Variants in DGAT1 observed in about 807,000 individuals in gnomAD.
The protein encoded by DGAT1 is ACAT related gene product 1.
A neutral mutation model predicts 72.6 loss-of-function variants in DGAT1; 60 were observed. The ratio of observed to expected loss-of-function variants is 0.83; its 90% CI spans 0.67 to 1.02. DGAT1 has a LOEUF of 1.02. Ranked by LOEUF, DGAT1 falls within the 50% of genes least tolerant of loss-of-function variation. The pLI, the probability that DGAT1 is intolerant of heterozygous loss-of-function variation, is 0.00. For missense variants in DGAT1, 592 were observed against 670.0 expected, an observed-to-expected ratio of 0.88 and a Z score of 1.29; for synonymous variants, 290 against 267.5, an observed-to-expected ratio of 1.08 and a Z score of -0.82.
At position 144,318,194 on chromosome 8, in the gene DGAT1, G is replaced by A. The variant is rs782339768; in HGVS notation, c.677-25C>T. The A allele has an allele frequency of 3.1e-6, 5 of 1,609,350 alleles. No homozygotes were observed. The South Asian group carries it at 3.3e-5, about 11-fold the overall frequency. On this transcript the variant is annotated intron_variant, in intron 7 of 16. Transcript: ENST00000528718. The stretch of plus-strand genomic sequence containing the variant: ...GCTACGAGCACAGCAGAGTGGGAGG[G>A]GGCTGGTGGGGCCCTGCTGCTGCCC...
In DGAT1 at chr8:144,318,840, A is replaced by G. The variant is rs1275283451; in HGVS notation, c.410T>C (p.Val137Ala). 1 of 1,611,734 alleles carries G rather than the reference A, an allele frequency of 6.2e-7. No individual in the cohort carries two copies. Among genetic ancestry groups the G allele is most frequent in the Non-Finnish European group, 8.5e-7 (1 of 1,179,058 alleles). ...DPYSWPAPCL[V>A]IAANVFAVAA... ...CTCCTCAGAGCCCAGCTCACCAATA[A>G]CCAGGCATGGGGCGGGCCAGCTATA... Residue 137 changes from valine to alanine, a missense_variant, in exon 4 of 17, where the codon GTT becomes GCT. Physicochemically the swap from Val to Ala is moderately conservative, Grantham distance 64. Coordinates refer to ENST00000528718, the MANE Select transcript of DGAT1 (RefSeq NM_012079.6).
At chr8:144,319,349 G>A (rs1236584983) in intron 2 of DGAT1, among the ~76,000 whole-genome samples, 1 of 152,202 alleles carries the variant, frequency 6.6e-6, no homozygotes, top group African/African-American at 2.4e-5. Flanking sequence ...AACCCTGCCA[G>A]ACGCCTGGGT....
chr8:144,321,769 C>G (rs1165826807), intron 1 of DGAT1, among the ~76,000 whole-genome samples: 1 of 152,264 alleles, frequency 6.6e-6, no homozygotes, highest in Non-Finnish European at 1.5e-5. Flanking sequence ...ACTGGGGCCA[C>G]AAGCAGGGTC....
chr8:144,319,290 A>G (rs564043389), intron 2 of DGAT1, among the ~76,000 whole-genome samples: 1 of 152,310 alleles, frequency 6.6e-6, no homozygotes, highest in Admixed American at 6.5e-5. Flanking sequence ...CCCTGTCCCC[A>G]TCACACCAGA....
chr8:144,318,973 GGGGCCTGGACAGGCCATGGGTGGGGCA>G (rs1817357505), intron 3 of DGAT1, 28 bp downstream of exon 3: 2 of 1,559,794 alleles, frequency 1.3e-6, no homozygotes, highest in Admixed American at 3.8e-5. Flanking sequence ...GCTGTGGGGC[GGGGCCTGGACAGGCCATGGGTGGGGCA>G]GGGGTGGGAC....
chr8:144,316,882 G>A lies in DGAT1; in HGVS notation c.1282C>T (p.Leu428Phe), dbSNP rs782381938. ...GCCATCATGCCCGTGAACGCCCAGA[G>A]GCGGAACATTCGCAGAGGGACGCTC... is the stretch of plus-strand genomic sequence containing the variant. ...LVSVPLRMFR[L>F]WAFTGMMAQI... Residue 428 changes from leucine to phenylalanine, a missense_variant, in exon 16 of 17, where the codon CTC (leucine) becomes TTC (phenylalanine). Leu to Phe is a conservative substitution (Grantham distance 22). Coordinates refer to ENST00000528718, the MANE Select transcript of DGAT1 (RefSeq NM_012079.6). The A allele has an allele frequency of 1.9e-6, 3 of 1,611,766 alleles. No individual in the cohort carries two copies. The highest frequency in any genetic ancestry group is 2.7e-5 in the African/African-American group (2 of 74,920).
intron 5 of DGAT1, 29 bp from the exon 6 acceptor site, chr8:144,318,595 G>C: frequency 6.2e-7 from 1 of 1,608,184 alleles, no homozygotes; most frequent in Non-Finnish European, 8.5e-7. Flanking sequence ...CACTCAACCA[G>C]GGCTCCCATT....
chr8:144,317,713 C>T lies in DGAT1; in HGVS notation c.895-1G>A, dbSNP rs782225275. 1.9e-6 allele frequency: 3 copies of T among 1,613,804 alleles called. No homozygotes were observed. Among genetic ancestry groups the T allele is most frequent in the East Asian group, 2.2e-5 (1 of 44,888 alleles). ...AGTTCTGGATGGTGGGGACCATCCA[C>T]TGCAAAGGAGGGCACCACGTCAGCT... On this transcript the variant is annotated splice_acceptor_variant, in intron 10 of 16. Coordinates refer to ENST00000528718, the MANE Select transcript of DGAT1 (RefSeq NM_012079.6). LOFTEE classifies it high-confidence loss of function.
At position 144,315,167 on chromosome 8, in the gene DGAT1, AAC is replaced by A. The variant is rs1252547898; in HGVS notation, c.*1385_*1386del. The stretch of plus-strand genomic sequence containing the variant: ...AGGCTTTGCTGCTTTATCTGGCAGC[AAC>A]AGTTTGTTCTCGAGCTCCACTGGCC... On this transcript the variant is annotated 3_prime_UTR_variant, in exon 17 of 17. Transcript: ENST00000528718. The A allele has an allele frequency of 1.3e-5, 13 of 985,366 alleles. No individual in the cohort carries two copies. The highest frequency in any genetic ancestry group is 1.6e-5 in the Non-Finnish European group (13 of 829,964). The allele number at this position is 985,366 out of a possible 1,614,324, so 61.0% of individuals were successfully genotyped here. A position where few individuals can be genotyped will look rare whatever the true frequency, so the allele number is the denominator to read the frequency against.
chr8:144,317,507 C>CTCCTG (rs782654275), intron 12 of DGAT1, 37 bp downstream of exon 12: 1 of 1,613,834 alleles, frequency 6.2e-7, no homozygotes, highest in East Asian at 2.2e-5. Flanking sequence ...CCACTGTCCC[C>CTCCTG]TCCTGTCCTG....
chr8:144,321,264 C>G (rs1817448146), intron 2 of DGAT1, 57 bp downstream of exon 2: 11 of 1,538,436 alleles, frequency 7.2e-6, no homozygotes, highest in Non-Finnish European at 9.9e-6. Flanking sequence ...CAAAGGCCAG[C>G]CTGGGACAGA....
rs782163051 is a variant in DGAT1 at position 144,317,536 on chromosome 8, G to A, written c.981+8C>T. The A allele has an allele frequency of 1.5e-5, 24 of 1,613,654 alleles. No homozygotes were observed. Among genetic ancestry groups the A allele is most frequent in the African/African-American group, 4.0e-5 (3 of 74,882 alleles). On this transcript the variant is annotated splice_region_variant and intron_variant, in intron 12 of 16. Coordinates refer to ENST00000528718, the MANE Select transcript of DGAT1 (RefSeq NM_012079.6). ...TGTCCTGTGCATGCGCCACCTGTCC[G>A]CACTCACCGCCAGCTTCAGGAGGCG...
chr8:144,318,286 C>G lies in DGAT1; in HGVS notation c.651G>C (p.Trp217Cys). 2 of 1,612,826 alleles carry G rather than the reference C, an allele frequency of 1.2e-6. No individual in the cohort carries two copies. The highest frequency in any genetic ancestry group is 1.7e-6 in the Non-Finnish European group (2 of 1,179,888). Residue 217 changes from tryptophan to cysteine, a missense_variant, in exon 7 of 17, where the codon TGG becomes TGC. Coordinates refer to ENST00000528718, the MANE Select transcript of DGAT1 (RefSeq NM_012079.6). ...CAGCCTTGGCCCTGGCCCTGCGGCACCATGAGTTGACGTCGCGGTAGGAGA... is the reference window on the plus strand; with the variant it reads ...CAGCCTTGGCCCTGGCCCTGCGGCAGCATGAGTTGACGTCGCGGTAGGAGA... Reference protein sequence around the residue: ...KLFSYRDVNSWCRRARAKAAS... With the variant: ...KLFSYRDVNSCCRRARAKAAS...
chr8:144,326,440 A>G lies in DGAT1; in HGVS notation c.197T>C (p.Leu66Pro), dbSNP rs1554848784. 2 of 1,377,880 alleles carry G rather than the reference A, an allele frequency of 1.5e-6. 1 individual carries two copies. The highest frequency in any genetic ancestry group is 6.3e-5 in the Admixed American group (2 of 31,604). The allele number at this position is 1,377,880 out of a possible 1,614,324, so 85.4% of individuals were successfully genotyped here. ...DAGVGSGHWE[L>P]RCHRLQDSLF... is the part of the protein sequence containing the mutation. ...AGGGGGTCAGGCGCTCCGCTACCTC[A>G]GCTCCCAGTGGCCGCTGCCCACGCC... Residue 66 changes from leucine to proline, a missense_variant, in exon 1 of 17, where the codon CTG becomes CCG. By Grantham distance (98) the Leu-to-Pro change is moderately conservative. Transcript: ENST00000528718.
chr8:144,321,295 C>T (rs782604155), intron 2 of DGAT1, 26 bp downstream of exon 2: 17 of 1,610,756 alleles, frequency 1.1e-5, no homozygotes, highest in East Asian at 6.7e-5. Flanking sequence ...GACCTAGACC[C>T]GCTCCCGACA....
At position 144,321,423 on chromosome 8, in the gene DGAT1, C is replaced by T. The variant is rs782628215; in HGVS notation, c.201-15G>A. The T allele has an allele frequency of 1.9e-6, 3 of 1,613,106 alleles. No homozygotes were observed. The highest frequency in any genetic ancestry group is 4.5e-5 in the East Asian group (2 of 44,870). ...GGCGATGGCACCTGACAGAGCACAA[C>T]ACAAGCACCCCCTGAGTGGGCACCA... On this transcript the variant is annotated splice_polypyrimidine_tract_variant and intron_variant, in intron 1 of 16. Transcript: ENST00000528718.
chr8:144,323,592 G>A (rs1817518034), intron 1 of DGAT1, among the ~76,000 whole-genome samples: 1 of 152,092 alleles, frequency 6.6e-6, no homozygotes, highest in Admixed American at 6.5e-5. Context: ...CCCTCTCACT[G>A]ACTGGAGGAT....
chr8:144,318,787 C>T, intron 4 of DGAT1, 36 bp from the exon 5 acceptor site: 1 of 1,606,904 alleles, frequency 6.2e-7, no homozygotes, highest in South Asian at 1.1e-5. Context: ...GGTTTAGGGC[C>T]ACGTCAGCCT....
At chr8:144,316,994 G>A (rs1554847171) in intron 15 of DGAT1, 28 bp downstream of exon 15, 1 of 1,611,222 alleles carries the variant, frequency 6.2e-7, no homozygotes, top group African/African-American at 1.3e-5. Context: ...GCCCAGGGAT[G>A]AGGCAAGATG....
Sources: gnomAD v4.1 joint callset for allele counts (sites outside exome capture counted in the v4.1 genomes callset) on GRCh38, gnomAD v4.1.1 for gene constraint, MANE v1.5 for transcripts, NCBI Gene and HGNC (gene_info 2026-07-23, HGNC 2026-07-21) for gene names.